LONP2: variants seen among roughly 807,000 people sequenced by gnomAD.
LONP2 encodes the protein lon protease homolog 2, peroxisomal.
LONP2 carries 60 observed loss-of-function variants against 85.6 expected under a neutral mutation model. The ratio of observed to expected loss-of-function variants is 0.70; its 90% CI spans 0.57 to 0.87. LONP2 has a LOEUF of 0.87. Ranked by LOEUF, LONP2 falls within the 40% of genes least tolerant of loss-of-function variation. The pLI, the probability that LONP2 is intolerant of heterozygous loss-of-function variation, is 0.00. For synonymous variants in LONP2, 395 were observed against 389.7 expected, an observed-to-expected ratio of 1.01 and a Z score of -0.16; for missense variants, 860 against 1,063.5, an observed-to-expected ratio of 0.81 and a Z score of 2.66.
At chr16:48,340,735 C>T (rs769826504) in intron 12 of LONP2, among the ~76,000 whole-genome samples, 12 of 151,220 alleles carry the variant, frequency 7.9e-5, no homozygotes, top group African/African-American at 2.4e-4. Context: ...CCAAGGTGGG[C>T]GGATCGCTTG....
intron 12 of LONP2, 175 bp downstream of exon 12, chr16:48,334,533 C>T (rs892135581): frequency 7.7e-6 from 6 of 776,866 alleles, no homozygotes; most frequent in African/African-American, 1.7e-5. Context: ...CAGCAGTTGA[C>T]TGCATGGGGG....
intron 2 of LONP2, among the ~76,000 whole-genome samples, chr16:48,254,230 C>T (rs1182653878): frequency 6.6e-6 from 1 of 152,210 alleles, no homozygotes; most frequent in Admixed American, 6.5e-5. Flanking sequence ...ATCTGTCTTG[C>T]GTCAACTCTA....
chr16:48,341,851 A>G (rs1183343061), intron 12 of LONP2, among the ~76,000 whole-genome samples: 1 of 152,220 alleles, frequency 6.6e-6, no homozygotes, highest in Non-Finnish European at 1.5e-5. Flanking sequence ...CTCACACTGC[A>G]TGTGCTATCA....
At chr16:48,342,454 C>A (rs1959844210) in intron 12 of LONP2, among the ~76,000 whole-genome samples, 1 of 152,334 alleles carries the variant, frequency 6.6e-6, no homozygotes, top group South Asian at 2.1e-4. Flanking sequence ...TATAAACCTG[C>A]TGTGCCACCT....
At chr16:48,321,628 A>G (rs1973266841) in intron 11 of LONP2, among the ~76,000 whole-genome samples, 1 of 152,190 alleles carries the variant, frequency 6.6e-6, no homozygotes, top group Non-Finnish European at 1.5e-5. Flanking sequence ...CACCTAGGCT[A>G]TATGGTATAG....
At chr16:48,325,231 G>A (rs1195615458) in intron 11 of LONP2, among the ~76,000 whole-genome samples, 1 of 152,110 alleles carries the variant, frequency 6.6e-6, no homozygotes, top group South Asian at 2.1e-4. Flanking sequence ...TGATCTGACC[G>A]GAGGCGGTGC....
chr16:48,351,881 T>C lies in LONP2; in HGVS notation c.*79T>C, dbSNP rs1354583448. ...ACACAGTTGATTTTATTCACACCAT[T>C]AGGGGTATGCAAGATGTCCCTGTTT... On this transcript the variant is annotated 3_prime_UTR_variant, in exon 15 of 15. Coordinates refer to ENST00000285737, the MANE Select transcript of LONP2 (RefSeq NM_031490.5). 9.0e-7 allele frequency: 1 copy of C among 1,105,090 alleles called. No individual in the cohort carries two copies. The highest frequency in any genetic ancestry group is 2.0e-5 in the Admixed American group (1 of 48,802). The allele number at this position is 1,105,090 out of a possible 1,614,324, so 68.5% of individuals were successfully genotyped here.
intron 1 of LONP2, among the ~76,000 whole-genome samples, chr16:48,248,789 G>A (rs1188870188): frequency 1.3e-5 from 2 of 151,688 alleles, no homozygotes; most frequent in Admixed American, 6.6e-5. Context: ...ATGCTGAGGC[G>A]GAGGATTACT....
At chr16:48,347,369 G>T (rs1228900071) in intron 12 of LONP2, 138 bp from the exon 13 acceptor site, 1 of 750,140 alleles carries the variant, frequency 1.3e-6, no homozygotes, top group African/African-American at 1.7e-5. Context: ...ATGTGACGCA[G>T]AATCATGTTA....
chr16:48,306,660 G>T (rs892983830), intron 11 of LONP2, among the ~76,000 whole-genome samples: 2 of 152,092 alleles, frequency 1.3e-5, no homozygotes, highest in Admixed American at 6.5e-5. Flanking sequence ...GTAAATAACA[G>T]CCATTCTCTA....
intron 11 of LONP2, among the ~76,000 whole-genome samples, chr16:48,312,809 T>C (rs1195355258): frequency 6.6e-6 from 1 of 152,196 alleles, no homozygotes; most frequent in African/African-American, 2.4e-5. Flanking sequence ...GCTGCAATAG[T>C]GGCAGTAGGG....
rs1475302759 is a variant in LONP2, at chr16:48,357,261, C to T, written c.*5459C>T. ...CCAGGCAGTTAGAATCTACAACCCACACTGTTTGCCACCAAATCTTAGTAG... is the reference window on the plus strand; with the variant it reads ...CCAGGCAGTTAGAATCTACAACCCATACTGTTTGCCACCAAATCTTAGTAG... On this transcript the variant is annotated 3_prime_UTR_variant, in exon 15 of 15. Coordinates refer to ENST00000285737, the MANE Select transcript of LONP2 (RefSeq NM_031490.5). 1 of 151,826 alleles carries T rather than the reference C, an allele frequency of 6.6e-6. No homozygotes were observed. Among genetic ancestry groups the T allele is most frequent in the African/African-American group, 2.4e-5 (1 of 41,282 alleles). The allele number at this position is 151,826 out of a possible 1,614,324, so 9.4% of individuals were successfully genotyped here.
At chr16:48,361,707 C>T, downstream of LONP2, 1 of 1,614,054 alleles carries the variant, frequency 6.2e-7, no homozygotes, top group Non-Finnish European at 8.5e-7. Context: ...ATGAATAGAT[C>T]GAGGAGTCGC....
At chr16:48,255,343 C>T (rs568344775) in intron 2 of LONP2, among the ~76,000 whole-genome samples, 1 of 152,232 alleles carries the variant, frequency 6.6e-6, no homozygotes, top group South Asian at 2.1e-4. Context: ...TGCTTCTGCC[C>T]AGAAGGAGCT....
intron 9 of LONP2, among the ~76,000 whole-genome samples, chr16:48,296,722 CAAAAAA>C (rs911933648): frequency 0.014 from 807 of 58,930 alleles, 8 homozygotes; most frequent in African/African-American, 0.047. Context: ...AACTCCATTT[CAAAAAA>C]AAAAAAAAAA....
intron 4 of LONP2, among the ~76,000 whole-genome samples, chr16:48,259,403 T>C (rs1971829770): frequency 6.6e-6 from 1 of 152,248 alleles, no homozygotes; most frequent in African/African-American, 2.4e-5. Context: ...CATTTATATG[T>C]ATGATGGGAT....
chr16:48,256,317 A>G (rs1971760143), intron 2 of LONP2, among the ~76,000 whole-genome samples: 2 of 152,338 alleles, frequency 1.3e-5, no homozygotes, highest in South Asian at 2.1e-4. Context: ...TTTTTTGTAC[A>G]TTTGAATTTT....
downstream of LONP2, among the ~76,000 whole-genome samples, chr16:48,360,225 T>C (rs549892339): frequency 6.6e-6 from 1 of 152,326 alleles, no homozygotes; most frequent in Admixed American, 6.5e-5. Flanking sequence ...CCAAGGCTCT[T>C]AGCCACTAGG....
At chr16:48,332,521 G>A (rs1278661233) in intron 11 of LONP2, among the ~76,000 whole-genome samples, 4 of 152,132 alleles carry the variant, frequency 2.6e-5, no homozygotes, top group African/African-American at 9.7e-5. Flanking sequence ...AGACCAGCCT[G>A]GCCAACATGC....
Sources: allele counts gnomAD v4.1 joint callset (sites outside exome capture counted in the v4.1 genomes callset), GRCh38; gene constraint gnomAD v4.1.1; transcripts MANE v1.5; gene names NCBI Gene and HGNC (gene_info 2026-07-23, HGNC 2026-07-21).